IL17C: variants seen among roughly 807,000 people sequenced by gnomAD.
IL17C encodes interleukin-17C.
A neutral mutation model predicts 11.0 loss-of-function variants in IL17C; 13 were observed. The observed-to-expected ratio is 1.18, with a 90% CI of 0.77 to 1.88. The LOEUF (loss-of-function observed/expected upper bound fraction) is 1.88. IL17C is among the 40% of genes most tolerant of loss of function. The pLI is 0.00. For missense variants in IL17C, 357 were observed against 278.2 expected, an observed-to-expected ratio of 1.28 and a Z score of -2.01; for synonymous variants, 150 against 125.8, an observed-to-expected ratio of 1.19 and a Z score of -1.29.
rs750744419 is a variant in IL17C, at chr16:88,639,151, G to C, written c.177G>C (p.Gly59=). 84 of 1,612,832 alleles carry C rather than the reference G, an allele frequency of 5.2e-5. No homozygotes were observed. Among genetic ancestry groups the C allele is most frequent in the Admixed American group, 2.2e-4 (13 of 59,994 alleles). Residue 59 remains glycine, a synonymous_variant, in exon 2 of 3, where the codon GGG becomes GGC. Coordinates refer to ENST00000244241, the MANE Select transcript of IL17C (RefSeq NM_013278.4). This position sits in a 1 kb window ranked among gnomAD's most constrained non-coding sequence, Gnocchi z 5.1. Reference sequence around the variant, plus strand: ...TGCTGGCTCGAGGTGCCAAGTGGGGGCAGGCTTTGCCTGTAGCCCTGGTGT... The same window carrying C: ...TGCTGGCTCGAGGTGCCAAGTGGGGCCAGGCTTTGCCTGTAGCCCTGGTGT... ...PHLLARGAKW[G]QALPVALVSS...
Position 88,640,153 on chromosome 16 carries a change from T to G in IL17C, c.*81T>G. On this transcript the variant is annotated 3_prime_UTR_variant, in exon 3 of 3. Coordinates refer to ENST00000244241, the MANE Select transcript of IL17C (RefSeq NM_013278.4). ...CCTATTTATGTGTATTTATTGTTAT[T>G]TATATGCCTCCCCCAACACTACCCT... The G allele has an allele frequency of 6.3e-6, 9 of 1,433,148 alleles. No individual in the cohort carries two copies. The highest frequency in any genetic ancestry group is 7.5e-6 in the Non-Finnish European group (8 of 1,073,170). The allele number at this position is 1,433,148 out of a possible 1,614,324, so 88.8% of individuals were successfully genotyped here.
rs1012747462 is a variant in IL17C, at chr16:88,638,607, C to A, written c.-35C>A. 20 of 1,611,792 alleles carry A rather than the reference C, an allele frequency of 1.2e-5. No homozygotes were observed. Among genetic ancestry groups the A allele is most frequent in the Admixed American group, 6.7e-5 (4 of 60,002 alleles). Reference sequence around the variant, plus strand: ...GTGGGATTGCCGCCAGGTGTGCAGGCCGCTCCAAGCCCAGCCTGCCCCGCT... The same window carrying A: ...GTGGGATTGCCGCCAGGTGTGCAGGACGCTCCAAGCCCAGCCTGCCCCGCT... On this transcript the variant is annotated 5_prime_UTR_variant, in exon 1 of 3. Transcript: ENST00000244241.
Position 88,639,951 on chromosome 16 carries a change from T to C in IL17C, c.473T>C (p.Leu158Pro). 1 of 1,610,198 alleles carries C rather than the reference T, an allele frequency of 6.2e-7. No homozygotes were observed. Among genetic ancestry groups the C allele is most frequent in the African/African-American group, 1.3e-5 (1 of 74,992 alleles). Reference protein sequence around the residue: ...SVRLLQSLLVLRRRPCSRDGS... With the variant: ...SVRLLQSLLVPRRRPCSRDGS... ...CGGCTGCTCCAGAGCCTGCTGGTGC[T>C]GCGCCGCCGGCCCTGCTCCCGCGAC... Residue 158 changes from leucine to proline, a missense_variant, in exon 3 of 3, where the codon CTG becomes CCG. By Grantham distance (98) the Leu-to-Pro change is moderately conservative. Coordinates refer to ENST00000244241, the MANE Select transcript of IL17C (RefSeq NM_013278.4). This position sits in a 1 kb window ranked among gnomAD's most constrained non-coding sequence, Gnocchi z 5.1.
chr16:88,640,138 T>C lies in IL17C; in HGVS notation c.*66T>C. ...CCCCAGAGGGCACCCCCTATTTATG[T>C]GTATTTATTGTTATTTATATGCCTC... is the stretch of plus-strand genomic sequence containing the variant. On this transcript the variant is annotated 3_prime_UTR_variant, in exon 3 of 3. Transcript: ENST00000244241. The C allele has an allele frequency of 6.8e-7, 1 of 1,478,666 alleles. No individual in the cohort carries two copies. The highest frequency in any genetic ancestry group is 9.0e-7 in the Non-Finnish European group (1 of 1,110,056). The allele number at this position is 1,478,666 out of a possible 1,614,324, so 91.6% of individuals were successfully genotyped here. A position where few individuals can be genotyped will look rare whatever the true frequency, so the allele number is the denominator to read the frequency against.
rs777241632 is a variant in IL17C at position 88,639,857 on chromosome 16, G to A, written c.379G>A (p.Ala127Thr). The A allele has an allele frequency of 5.4e-5, 86 of 1,594,318 alleles. 2 individuals are homozygous for A. In the Middle Eastern group the frequency reaches 3.3e-3, roughly 62 times the overall value. The change falls in exon 3 of 3, where the codon GCC (alanine) becomes ACC (threonine). Residue 127 changes from alanine to threonine, a missense_variant. Transcript: ENST00000244241. This position sits in a 1 kb window ranked among gnomAD's most constrained non-coding sequence, Gnocchi z 5.1. ...EDRYPQKLAFAECLCRGCIDA... is the reference protein window; with the variant it reads ...EDRYPQKLAFTECLCRGCIDA... ...CCGCTATCCACAGAAGCTGGCCTTC[G>A]CCGAGTGCCTGTGCAGAGGCTGTAT...
At chr16:88,638,826 G>T in intron 1 of IL17C, 155 bp from the exon 2 acceptor site, 1 of 1,166,122 alleles carries the variant, frequency 8.6e-7, no homozygotes, top group Non-Finnish European at 1.3e-6. Flanking sequence ...TGGGTGTCTT[G>T]GGCTGAAGGG....
Position 88,638,650 on chromosome 16 carries a change from G to T in IL17C, c.6+3G>T. 1.2e-6 allele frequency: 2 copies of T among 1,612,960 alleles called. No homozygotes were observed. The highest frequency in any genetic ancestry group is 1.7e-6 in the Non-Finnish European group (2 of 1,180,020). On this transcript the variant is annotated splice_donor_region_variant and intron_variant, in intron 1 of 2. Coordinates refer to ENST00000244241, the MANE Select transcript of IL17C (RefSeq NM_013278.4). ...GCCCCGCTGCCGCCACCATGACGGT[G>T]AGCCTCTCCACATGCCGCTCGGATG...
Position 88,639,843 on chromosome 16 carries a change from A to G in IL17C, c.365A>G (p.Gln122Arg). Residue 122 changes from glutamine to arginine, a missense_variant, in exon 3 of 3, where the codon CAG becomes CGG. Gln to Arg is a conservative substitution (Grantham distance 43). Transcript: ENST00000244241. This position sits in a 1 kb window ranked among gnomAD's most constrained non-coding sequence, Gnocchi z 5.1. ...RVDTDEDRYPQKLAFAECLCR... is the reference protein window; with the variant it reads ...RVDTDEDRYPRKLAFAECLCR... The stretch of plus-strand genomic sequence containing the variant: ...GACACGGATGAGGACCGCTATCCAC[A>G]GAAGCTGGCCTTCGCCGAGTGCCTG... 2 of 1,584,828 alleles carry G rather than the reference A, an allele frequency of 1.3e-6. No individual in the cohort carries two copies. Among genetic ancestry groups the G allele is most frequent in the South Asian group, 1.1e-5 (1 of 88,288 alleles).
chr16:88,639,404 A>C lies in IL17C; in HGVS notation c.335+95A>C. ...AGCTCTCTGGGCCTTGGTGGTTCTC[A>C]CCTGTCAAGTGGGCGTGGCCACCTG... On this transcript the variant is annotated intron_variant, in intron 2 of 2. Transcript: ENST00000244241. The surrounding 1 kb of genome is among the most constrained non-coding windows in gnomAD (Gnocchi z 5.1). 8.0e-7 allele frequency: 1 copy of C among 1,248,100 alleles called. No individual in the cohort carries two copies. The highest frequency in any genetic ancestry group is 2.6e-5 in the East Asian group (1 of 38,490). The allele number at this position is 1,248,100 out of a possible 1,614,324, so 77.3% of individuals were successfully genotyped here.
rs1479154375 is a variant in IL17C at position 88,639,867 on chromosome 16, T to C, written c.389T>C (p.Leu130Pro). The C allele has an allele frequency of 1.2e-6, 2 of 1,602,310 alleles. No individual in the cohort carries two copies. The highest frequency in any genetic ancestry group is 1.7e-6 in the Non-Finnish European group (2 of 1,175,568). Residue 130 changes from leucine (L) to proline (P), a missense_variant, in exon 3 of 3, where the codon CTG becomes CCG. By Grantham distance (98) the Leu-to-Pro change is moderately conservative. Coordinates refer to ENST00000244241, the MANE Select transcript of IL17C (RefSeq NM_013278.4). This position sits in a 1 kb window ranked among gnomAD's most constrained non-coding sequence, Gnocchi z 5.1. ...YPQKLAFAEC[L>P]CRGCIDARTG... ...CAGAAGCTGGCCTTCGCCGAGTGCC[T>C]GTGCAGAGGCTGTATCGATGCACGG...
chr16:88,640,115 C>T lies in IL17C; in HGVS notation c.*43C>T. 1 of 1,507,700 alleles carries T rather than the reference C, an allele frequency of 6.6e-7. No homozygotes were observed. Among genetic ancestry groups the T allele is most frequent in the Non-Finnish European group, 8.9e-7 (1 of 1,128,674 alleles). The allele number at this position is 1,507,700 out of a possible 1,614,324, so 93.4% of individuals were successfully genotyped here. On this transcript the variant is annotated 3_prime_UTR_variant, in exon 3 of 3. Transcript: ENST00000244241. The stretch of plus-strand genomic sequence containing the variant: ...CCCCTAGACTGGACACGTGTGCTCC[C>T]CAGAGGGCACCCCCTATTTATGTGT...
In IL17C at chr16:88,639,569, G is replaced by C. The variant is rs573379668; in HGVS notation, c.336-245G>C. The stretch of plus-strand genomic sequence containing the variant: ...CGTCACCTGAGCTCCTGCAGAAGTG[G>C]GGCTGGGTGATGAAGTGGAAGGGAG... On this transcript the variant is annotated intron_variant, in intron 2 of 2. Transcript: ENST00000244241. The surrounding 1 kb of genome is among the most constrained non-coding windows in gnomAD (Gnocchi z 5.1). Among the ~76,000 whole-genome samples the C allele has an allele frequency of 6.6e-5, 10 of 152,300 alleles. No homozygotes were observed. The highest frequency in any genetic ancestry group is 4.6e-4 in the Admixed American group (7 of 15,302).
rs375423717 is a variant in IL17C, at chr16:88,639,155, G to C, written c.181G>C (p.Ala61Pro). ...GGCTCGAGGTGCCAAGTGGGGGCAG[G>C]CTTTGCCTGTAGCCCTGGTGTCCAG... ...LLARGAKWGQALPVALVSSLE... is the reference protein window; with the variant it reads ...LLARGAKWGQPLPVALVSSLE... Residue 61 changes from alanine (A) to proline (P), a missense_variant, in exon 2 of 3, where the codon GCT becomes CCT. Ala to Pro is a conservative substitution (Grantham distance 27, BLOSUM62 -1). Transcript: ENST00000244241. The surrounding 1 kb of genome is among the most constrained non-coding windows in gnomAD (Gnocchi z 5.1). 21 of 1,612,938 alleles carry C rather than the reference G, an allele frequency of 1.3e-5. No homozygotes were observed. The highest frequency in any genetic ancestry group is 1.5e-5 in the Non-Finnish European group (18 of 1,179,942).
At chr16:88,638,856 G>A in intron 1 of IL17C, 125 bp from the exon 2 acceptor site, 1 of 1,183,450 alleles carries the variant, frequency 8.4e-7, no homozygotes, top group Non-Finnish European at 1.2e-6. Flanking sequence ...CTGGGCTTCA[G>A]TTTCCCCATC....
chr16:88,639,961 G>T lies in IL17C; in HGVS notation c.483G>T (p.Arg161=), dbSNP rs373918254. Residue 161 remains arginine, a synonymous_variant, in exon 3 of 3, where the codon CGG becomes CGT. Transcript: ENST00000244241. The surrounding 1 kb of genome is among the most constrained non-coding windows in gnomAD (Gnocchi z 5.1). ...AGAGCCTGCTGGTGCTGCGCCGCCG[G>T]CCCTGCTCCCGCGACGGCTCGGGGC... ...LLQSLLVLRR[R]PCSRDGSGLP... 7 of 1,609,938 alleles carry T rather than the reference G, an allele frequency of 4.3e-6. No homozygotes were observed. In the African/African-American group the frequency reaches 5.3e-5, roughly 12 times the overall value.
chr16:88,638,614 A>G lies in IL17C; in HGVS notation c.-28A>G, dbSNP rs2142863423. 6.2e-7 allele frequency: 1 copy of G among 1,612,200 alleles called. No individual in the cohort carries two copies. The highest frequency in any genetic ancestry group is 2.2e-5 in the East Asian group (1 of 44,864). ...TGCCGCCAGGTGTGCAGGCCGCTCCAAGCCCAGCCTGCCCCGCTGCCGCCA... is the reference window on the plus strand; with the variant it reads ...TGCCGCCAGGTGTGCAGGCCGCTCCGAGCCCAGCCTGCCCCGCTGCCGCCA... On this transcript the variant is annotated 5_prime_UTR_variant, in exon 1 of 3. Transcript: ENST00000244241.
chr16:88,638,689 T>A (rs1176321506), intron 1 of IL17C, 42 bp downstream of exon 1: 1 of 1,612,630 alleles, frequency 6.2e-7, no homozygotes, highest in Non-Finnish European at 8.5e-7. Flanking sequence ...GCTGCTTGGA[T>A]GTGCAGCCTG....
chr16:88,639,591 G>A lies in IL17C; in HGVS notation c.336-223G>A, dbSNP rs1463991151. The stretch of plus-strand genomic sequence containing the variant: ...GTGGGGCTGGGTGATGAAGTGGAAG[G>A]GAGGCTCCTAGAGGCCTCCGGACCC... On this transcript the variant is annotated intron_variant, in intron 2 of 2. Coordinates refer to ENST00000244241, the MANE Select transcript of IL17C (RefSeq NM_013278.4). The surrounding 1 kb of genome is among the most constrained non-coding windows in gnomAD (Gnocchi z 5.1). Among the ~76,000 whole-genome samples, 3 of 152,176 alleles carry A rather than the reference G, an allele frequency of 2.0e-5. No homozygotes were observed. The highest frequency in any genetic ancestry group is 4.4e-5 in the Non-Finnish European group (3 of 68,016).
At position 88,639,954 on chromosome 16, in the gene IL17C, G is replaced by C. The variant is rs199592476; in HGVS notation, c.476G>C (p.Arg159Pro). 2.5e-6 allele frequency: 4 copies of C among 1,609,980 alleles called. No homozygotes were observed. The South Asian group carries it at 3.3e-5, about 13-fold the overall frequency. The change falls in exon 3 of 3, where the codon CGC (arginine) becomes CCC (proline). Residue 159 changes from arginine to proline, a missense_variant. By Grantham distance (103) the Arg-to-Pro change is moderately radical. Coordinates refer to ENST00000244241, the MANE Select transcript of IL17C (RefSeq NM_013278.4). The surrounding 1 kb of genome is among the most constrained non-coding windows in gnomAD (Gnocchi z 5.1). ...CTGCTCCAGAGCCTGCTGGTGCTGCGCCGCCGGCCCTGCTCCCGCGACGGC... is the reference window on the plus strand; with the variant it reads ...CTGCTCCAGAGCCTGCTGGTGCTGCCCCGCCGGCCCTGCTCCCGCGACGGC... ...VRLLQSLLVL[R>P]RRPCSRDGSG...
Sources: gnomAD v4.1 joint callset for allele counts (sites outside exome capture counted in the v4.1 genomes callset) on GRCh38, gnomAD v4.1.1 for gene constraint, Gnocchi (gnomAD v3.1) non-coding constraint, MANE v1.5 for transcripts, NCBI Gene and HGNC (gene_info 2026-07-23, HGNC 2026-07-21) for gene names.